The following OTOG variants were observed in gnomAD, a reference collection of about 807,000 sequenced individuals.
OTOG encodes the protein otogelin.
OTOG carries 296 observed loss-of-function variants against 313.8 expected under a neutral mutation model. That is an observed-to-expected ratio of 0.94 (90% CI 0.86 to 1.04). The LOEUF (loss-of-function observed/expected upper bound fraction) is 1.04, where lower values mean the gene tolerates loss of function less well. Among genes scored for constraint, OTOG ranks in the 50% least tolerant of loss-of-function variants. The probability of loss-of-function intolerance (pLI) is 0.00; values close to 1 mark genes in which losing one functional copy is unlikely to be tolerated. For synonymous variants in OTOG, 1,533 were observed against 1,554.9 expected, an observed-to-expected ratio of 0.99 and a Z score of 0.33; for missense variants, 3,948 against 3,840.1, an observed-to-expected ratio of 1.03 and a Z score of -0.74.
intron 39 of OTOG, among the ~76,000 whole-genome samples, chr11:17,617,781 A>G (rs1487082148): frequency 2.6e-5 from 4 of 150,958 alleles, no homozygotes; most frequent in Admixed American, 2.6e-4. Flanking sequence ...TTATTTTTAT[A>G]TTTTCTATTT....
chr11:17,560,175 G>T (rs1044226220), intron 12 of OTOG, among the ~76,000 whole-genome samples: 2 of 152,186 alleles, frequency 1.3e-5, no homozygotes, highest in Admixed American at 6.5e-5. Flanking sequence ...GTATAAATTT[G>T]CAGCACATCT....
chr11:17,626,424 C>A (rs547442958), intron 39 of OTOG, among the ~76,000 whole-genome samples: 1 of 152,334 alleles, frequency 6.6e-6, no homozygotes, highest in South Asian at 2.1e-4. Context: ...GATCTGCCCA[C>A]CTTGGCCTCC....
At chr11:17,582,239 G>T (rs1852686722) in intron 23 of OTOG, among the ~76,000 whole-genome samples, 1 of 152,090 alleles carries the variant, frequency 6.6e-6, no homozygotes, top group Non-Finnish European at 1.5e-5. Context: ...ACACTGGCCG[G>T]CTTTTTGTCA....
intron 15 of OTOG, among the ~76,000 whole-genome samples, chr11:17,566,680 A>G (rs1313441655): frequency 6.6e-6 from 1 of 152,234 alleles, no homozygotes; most frequent in Non-Finnish European, 1.5e-5. Flanking sequence ...CAATTCCAGC[A>G]TACATGTATA....
rs876657938 is a variant in OTOG, at chr11:17,591,521, G to C, written c.2939G>C (p.Arg980Pro). 26 of 1,550,562 alleles carry C rather than the reference G, an allele frequency of 1.7e-5. No homozygotes were observed. Among genetic ancestry groups the C allele is most frequent in the Non-Finnish European group, 2.1e-5 (24 of 1,147,028 alleles). ...CASTCTAYGDRHYRTFDGLPF... is the reference protein window; with the variant it reads ...CASTCTAYGDPHYRTFDGLPF... ...TCCACCTGCACTGCCTATGGGGACC[G>C]GCATTACCGCACGTTTGATGGGCTC... Residue 980 changes from arginine (R) to proline (P), a missense_variant, in exon 25 of 56, where the codon CGG becomes CCG. Transcript: ENST00000399397.
chr11:17,558,472 G>C, intron 9 of OTOG, 66 bp from the exon 10 acceptor site: 1 of 1,535,852 alleles, frequency 6.5e-7, no homozygotes, highest in Non-Finnish European at 8.8e-7. Flanking sequence ...CTCAAGTTGG[G>C]GTTCTGTGTG....
chr11:17,582,408 C>G (rs989408535), intron 23 of OTOG, among the ~76,000 whole-genome samples: 4 of 152,174 alleles, frequency 2.6e-5, no homozygotes, highest in Non-Finnish European at 5.9e-5. Context: ...TTTATCTGCT[C>G]AAGCATTGAT....
chr11:17,644,870 A>G (rs1432684385), intron 54 of OTOG, among the ~76,000 whole-genome samples: 1 of 152,138 alleles, frequency 6.6e-6, no homozygotes, highest in Admixed American at 6.5e-5. Flanking sequence ...AGAGGCAGTG[A>G]GTTGCAACTT....
intron 53 of OTOG, among the ~76,000 whole-genome samples, chr11:17,642,575 T>C (rs1847999100): frequency 6.6e-6 from 1 of 152,118 alleles, no homozygotes; most frequent in Non-Finnish European, 1.5e-5. Context: ...AGCATGCCAA[T>C]GCACACACCA....
intron 47 of OTOG, among the ~76,000 whole-genome samples, chr11:17,637,478 G>C (rs1025522881): frequency 6.6e-6 from 1 of 152,128 alleles, no homozygotes; most frequent in East Asian, 1.9e-4. Context: ...TTCACCAGTT[G>C]CTTTCTTTTG....
Position 17,629,302 on chromosome 11 carries a change from G to A in OTOG, c.6698G>A (p.Gly2233Asp). ...VEASKTSKAQ[G>D]HGLCGICDGD... ...GCCAGCAAAACCAGCAAGGCCCAGGGCCATGGCCTGTGCGGTGAGGTGGAA... is the reference window on the plus strand; with the variant it reads ...GCCAGCAAAACCAGCAAGGCCCAGGACCATGGCCTGTGCGGTGAGGTGGAA... Residue 2233 changes from glycine to aspartate, a missense_variant, in exon 40 of 56, where the codon GGC becomes GAC. Physicochemically the swap from Gly to Asp is moderately conservative, Grantham distance 94 (BLOSUM62 -1). Transcript: ENST00000399397. 6.5e-7 allele frequency: 1 copy of A among 1,550,276 alleles called. No homozygotes were observed. Among genetic ancestry groups the A allele is most frequent in the African/African-American group, 1.4e-5 (1 of 73,184 alleles).
intron 3 of OTOG, among the ~76,000 whole-genome samples, chr11:17,550,019 G>A (rs1295773916): frequency 6.6e-6 from 1 of 152,210 alleles, no homozygotes; most frequent in African/African-American, 2.4e-5. Context: ...AATTGTTGTA[G>A]ACAGGGGTCC....
chr11:17,591,576 G>T lies in OTOG; in HGVS notation c.2994G>T (p.Val998=), dbSNP rs1747678702. Reference sequence around the variant, plus strand: ...TTGACTTCGTGGGGGCATGCAAAGTGCACCTGGTCAAGGTGAGTTCCCGGA... The same window carrying T: ...TTGACTTCGTGGGGGCATGCAAAGTTCACCTGGTCAAGGTGAGTTCCCGGA... ...LPFDFVGACK[V]HLVKSTSDVS... The change falls in exon 25 of 56, where the codon GTG becomes GTT. Residue 998 remains valine (V), a synonymous_variant. Transcript: ENST00000399397. 1 of 1,550,520 alleles carries T rather than the reference G, an allele frequency of 6.4e-7. No individual in the cohort carries two copies. The highest frequency in any genetic ancestry group is 1.2e-5 in the South Asian group (1 of 84,074).
At chr11:17,560,687 TG>T (rs1225437528) in intron 12 of OTOG, 21 bp from the exon 13 acceptor site, 21 of 1,517,674 alleles carry the variant, frequency 1.4e-5, no homozygotes, top group Admixed American at 2.0e-5. Flanking sequence ...GTGAGTTAAT[TG>T]GCCCTTTGCT....
chr11:17,572,474 A>G (rs995863672), intron 18 of OTOG, among the ~76,000 whole-genome samples: 22 of 152,004 alleles, frequency 1.4e-4, no homozygotes, highest in Middle Eastern at 3.2e-3. Flanking sequence ...CCATGGCCCC[A>G]CCAGGCCCCA....
In OTOG at chr11:17,570,706, G is replaced by A. The variant is rs546235246; in HGVS notation, c.1955+316G>A. On this transcript the variant is annotated intron_variant, in intron 17 of 55. Coordinates refer to ENST00000399397, the MANE Select transcript of OTOG (RefSeq NM_001292063.2). ...AGATTCCAGTATGGGAGGTCTATGGGCCACACCTTGAGAAATGCTGTTTTA... is the reference window on the plus strand; with the variant it reads ...AGATTCCAGTATGGGAGGTCTATGGACCACACCTTGAGAAATGCTGTTTTA... 3.3e-4 allele frequency: 78 copies of A among 233,282 alleles called. 2 individuals carry two copies. Among genetic ancestry groups the A allele is most frequent in the Middle Eastern group, 1.4e-3 (1 of 708 alleles). 14.5% of individuals were successfully genotyped at this position (233,282 alleles called of 1,614,324 possible).
chr11:17,638,914 G>A (rs1336757481), intron 48 of OTOG: 8 of 626,190 alleles, frequency 1.3e-5, no homozygotes, highest in Admixed American at 1.1e-4. Context: ...TGGCCAAGAC[G>A]GTGAAACCCT....
intron 54 of OTOG, among the ~76,000 whole-genome samples, chr11:17,643,874 GTCTTGGAGGAGCC>G (rs1262179383): frequency 2.6e-5 from 4 of 152,234 alleles, no homozygotes; most frequent in Non-Finnish European, 4.4e-5. Context: ...AGACGCCCTG[GTCTTGGAGGAGCC>G]TCCTGGGTGG....
chr11:17,549,988 G>T (rs1237387170), intron 3 of OTOG, among the ~76,000 whole-genome samples: 1 of 152,200 alleles, frequency 6.6e-6, no homozygotes, highest in Non-Finnish European at 1.5e-5. Flanking sequence ...CGCTTCTACA[G>T]AGCTCAACCA....
Sources: gnomAD v4.1 joint callset for allele counts (sites outside exome capture counted in the v4.1 genomes callset) on GRCh38, gnomAD v4.1.1 for gene constraint, MANE v1.5 for transcripts, NCBI Gene and HGNC (gene_info 2026-07-23, HGNC 2026-07-21) for gene names.